RIMBP2: variants seen among roughly 807,000 people sequenced by gnomAD.
RIMBP2 encodes RIMS binding protein 2, also known as RIMS-binding protein 2.
In RIMBP2, 48 loss-of-function variants were observed where a neutral mutation model predicts 118.6. The ratio of observed to expected loss-of-function variants is 0.40; its 90% CI spans 0.32 to 0.51. The LOEUF (loss-of-function observed/expected upper bound fraction) is 0.51. Ranked by LOEUF, RIMBP2 falls within the 20% of genes least tolerant of loss-of-function variation. The probability of loss-of-function intolerance (pLI) is 0.41; values close to 1 mark genes in which losing one functional copy is unlikely to be tolerated. For synonymous variants in RIMBP2, 762 were observed against 742.9 expected, an observed-to-expected ratio of 1.03 and a Z score of -0.42; for missense variants, 1,551 against 1,768.3, an observed-to-expected ratio of 0.88 and a Z score of 2.20.
At chr12:130,599,602 C>A (rs868156834) in intron 2 of RIMBP2, among the ~76,000 whole-genome samples, 4 of 152,176 alleles carry the variant, frequency 2.6e-5, no homozygotes, top group Non-Finnish European at 5.9e-5. Flanking sequence ...ATTAAAAACA[C>A]TGGGCATGCA....
intron 5 of RIMBP2, among the ~76,000 whole-genome samples, chr12:130,476,284 G>A (rs1184263277): frequency 1.3e-5 from 2 of 152,226 alleles, no homozygotes; most frequent in Admixed American, 6.5e-5. Context: ...GCAAGTTCAA[G>A]AAAGAGCTGG....
Position 130,581,822 on chromosome 12 carries a change from A to C in RIMBP2, c.-217+46500T>G, listed in dbSNP as rs1403862787. On this transcript the variant is annotated intron_variant, in intron 2 of 22. Coordinates refer to ENST00000690449, the MANE Select transcript of RIMBP2 (RefSeq NM_001393629.1). This position sits in a 1 kb window ranked among gnomAD's most constrained non-coding sequence, Gnocchi z 4.4. ...GTCAACATGGTGGCCAGAAGTCACA[A>C]CACCAAAAAATAAGCCACACACTAT... Among the ~76,000 whole-genome samples, 4 of 152,190 alleles carry C rather than the reference A, an allele frequency of 2.6e-5. No homozygotes were observed. Among genetic ancestry groups the C allele is most frequent in the Non-Finnish European group, 5.9e-5 (4 of 68,034 alleles).
At chr12:130,530,444 C>G (rs1289520132) in intron 2 of RIMBP2, among the ~76,000 whole-genome samples, 2 of 151,818 alleles carry the variant, frequency 1.3e-5, no homozygotes, top group African/African-American at 4.8e-5. Context: ...AATGCTTATA[C>G]TAAAAATATT....
chr12:130,697,469 G>A (rs955490176), intron 1 of RIMBP2, among the ~76,000 whole-genome samples: 1 of 152,150 alleles, frequency 6.6e-6, no homozygotes, highest in Admixed American at 6.5e-5. Flanking sequence ...GCTGCAGTGG[G>A]CTATGATTGC....
At chr12:130,691,100 C>T (rs1281230688) in intron 1 of RIMBP2, among the ~76,000 whole-genome samples, 5 of 152,210 alleles carry the variant, frequency 3.3e-5, no homozygotes, top group African/African-American at 9.7e-5. Context: ...CCCGACTCAA[C>T]AGGGCGGGAT....
chr12:130,696,466 C>T (rs2065581420), intron 1 of RIMBP2, among the ~76,000 whole-genome samples: 1 of 152,110 alleles, frequency 6.6e-6, no homozygotes, highest in South Asian at 2.1e-4. Context: ...AGATCACCAC[C>T]ACAAAATGAA....
intron 17 of RIMBP2, among the ~76,000 whole-genome samples, chr12:130,421,287 A>G (rs2076390091): frequency 6.6e-6 from 1 of 152,240 alleles, no homozygotes; most frequent in Non-Finnish European, 1.5e-5. Context: ...AGTGCCATCA[A>G]TGTTCTGTGA....
intron 4 of RIMBP2, among the ~76,000 whole-genome samples, chr12:130,496,096 T>C (rs1291574534): frequency 6.6e-6 from 1 of 152,184 alleles, no homozygotes; most frequent in East Asian, 1.9e-4. Flanking sequence ...GTGATACGGT[T>C]TGGCTGTGCC....
intron 2 of RIMBP2, among the ~76,000 whole-genome samples, chr12:130,612,128 C>T (rs1001015868): frequency 6.6e-5 from 10 of 152,020 alleles, no homozygotes; most frequent in African/African-American, 1.9e-4. Flanking sequence ...CTCAGAGTCA[C>T]GCAAGGTCAC....
chr12:130,716,051 G>A (rs1047897880), intron 1 of RIMBP2, among the ~76,000 whole-genome samples, 171 bp downstream of exon 1: 2 of 152,068 alleles, frequency 1.3e-5, no homozygotes, highest in African/African-American at 2.4e-5. Flanking sequence ...CGCACCCAGC[G>A]CCCCCGGACC....
At chr12:130,451,411 C>T (rs779831240) in intron 7 of RIMBP2, 71 bp from the exon 8 acceptor site, 5 of 1,498,792 alleles carry the variant, frequency 3.3e-6, no homozygotes, top group Non-Finnish European at 4.5e-6. Flanking sequence ...TGGTCATGCG[C>T]CTACCCGGGG....
chr12:130,441,429 A>C (rs967613675), intron 11 of RIMBP2, among the ~76,000 whole-genome samples: 22 of 144,324 alleles, frequency 1.5e-4, no homozygotes, highest in Non-Finnish European at 3.1e-4. Flanking sequence ...TAATAATAAT[A>C]ATAATAATAA....
At chr12:130,639,562 C>A (rs1051895180) in intron 1 of RIMBP2, among the ~76,000 whole-genome samples, 1 of 150,690 alleles carries the variant, frequency 6.6e-6, no homozygotes, top group Non-Finnish European at 1.5e-5. Flanking sequence ...AAGTACCTCA[C>A]CCCTTTAATT....
Position 130,428,681 on chromosome 12 carries a change from G to A in RIMBP2, c.2254-344C>T, listed in dbSNP as rs114207956. On this transcript the variant is annotated intron_variant, in intron 14 of 22. Transcript: ENST00000690449. The stretch of plus-strand genomic sequence containing the variant: ...CACCCTCAGCTTCTCCAACTTATTG[G>A]CTGGACAAAGGCTCCAAACTCTGGT... The A allele has an allele frequency of 9.0e-3, 1,749 of 193,648 alleles. 34 individuals carry two copies. The highest frequency in any genetic ancestry group is 0.038 in the African/African-American group (1,615 of 43,026). The allele number at this position is 193,648 out of a possible 1,614,324, so 12.0% of individuals were successfully genotyped here. A position where few individuals can be genotyped will look rare whatever the true frequency, so the allele number is the denominator to read the frequency against.
At chr12:130,463,370 C>G (rs56043916) in intron 6 of RIMBP2, among the ~76,000 whole-genome samples, 39,873 of 152,158 alleles carry the variant, frequency 0.26, 6,457 homozygotes, top group Non-Finnish European at 0.35. Context: ...TGAGTCCGGA[C>G]CAGGCAGGAA....
chr12:130,621,728 G>A lies in RIMBP2; in HGVS notation c.-217+6594C>T, dbSNP rs528226955. ...AGACACGAGTGAAATGGATGATACC[G>A]AGACCTGGGTACCATAGCTGGAAGT... On this transcript the variant is annotated intron_variant, in intron 2 of 22. Coordinates refer to ENST00000690449, the MANE Select transcript of RIMBP2 (RefSeq NM_001393629.1). The surrounding 1 kb of genome is among the most constrained non-coding windows in gnomAD (Gnocchi z 6.6). 6.6e-6 allele frequency among the ~76,000 whole-genome samples: 1 copy of A among 152,272 alleles called. No homozygotes were observed. Among genetic ancestry groups the A allele is most frequent in the Non-Finnish European group, 1.5e-5 (1 of 68,026 alleles).
chr12:130,645,739 C>A (rs986992165), intron 1 of RIMBP2, among the ~76,000 whole-genome samples: 1 of 152,224 alleles, frequency 6.6e-6, no homozygotes, highest in Admixed American at 6.5e-5. Flanking sequence ...CGTGCCTGAT[C>A]TCTTCCTTAT....
chr12:130,589,869 A>G (rs146500811), intron 2 of RIMBP2, among the ~76,000 whole-genome samples: 1 of 152,278 alleles, frequency 6.6e-6, no homozygotes, highest in African/African-American at 2.4e-5. Context: ...CACTGAAATT[A>G]CCAGGGGATT....
At chr12:130,610,156 T>G (rs61934651) in intron 2 of RIMBP2, among the ~76,000 whole-genome samples, 18,708 of 149,668 alleles carry the variant, frequency 0.12, 1,492 homozygotes, top group Non-Finnish European at 0.19. Context: ...ATGGGAAGCC[T>G]GCTCCTCCCG....
Sources: gnomAD v4.1 joint callset for allele counts (sites outside exome capture counted in the v4.1 genomes callset) on GRCh38, gnomAD v4.1.1 for gene constraint, Gnocchi (gnomAD v3.1) non-coding constraint, MANE v1.5 for transcripts, NCBI Gene and HGNC (gene_info 2026-07-23, HGNC 2026-07-21) for gene names.